The following GPR146 variants were observed in gnomAD, a reference collection of about 807,000 sequenced individuals.
The protein encoded by GPR146 is G-protein coupled receptor 146.
For synonymous variants in GPR146, 203 were observed against 104.3 expected (o/e 1.95, Z -5.77); for missense variants, 381 against 213.9 (o/e 1.78, Z -4.87).
intron 1 of GPR146, among the ~76,000 whole-genome samples, chr7:1,053,685 G>C (rs1282349118): frequency 1.3e-5 from 2 of 152,190 alleles, no homozygotes; most frequent in Non-Finnish European, 2.9e-5. Flanking sequence ...AAATTAGCTG[G>C]GTGTGGTGGC....
At position 1,058,028 on chromosome 7, in the gene GPR146, G is replaced by C; in HGVS notation, c.513G>C (p.Val171=). The C allele has an allele frequency of 1.3e-6, 1 of 769,434 alleles. No individual in the cohort carries two copies. The highest frequency in any genetic ancestry group is 2.4e-6 in the Non-Finnish European group (1 of 417,992). The allele number at this position is 769,434 out of a possible 1,614,324, so 47.7% of individuals were successfully genotyped here. ...SSLLFYICSH[V]STRALECAKM... ...TGCTCTTCTACATCTGCAGCCATGT[G>C]TCCACCCGCGCGCTAGAGTGCGCCA... Residue 171 remains valine (V), a synonymous_variant, in exon 2 of 2, where the codon GTG becomes GTC. Coordinates refer to ENST00000444847, the MANE Select transcript of GPR146 (RefSeq NM_001303473.2).
Position 1,050,876 on chromosome 7 carries a change from G to T in GPR146, c.-25+6218G>T, listed in dbSNP as rs1398823113. 3.9e-5 allele frequency among the ~76,000 whole-genome samples: 6 copies of T among 152,218 alleles called. No homozygotes were observed. The East Asian group carries it at 5.8e-4, about 15-fold the overall frequency. ...ACCCAGAAGGCTTGACGCGCAGGGGGTCTCGGAGAAACTCTACCCCTGTCC... is the reference window on the plus strand; with the variant it reads ...ACCCAGAAGGCTTGACGCGCAGGGGTTCTCGGAGAAACTCTACCCCTGTCC... On this transcript the variant is annotated intron_variant, in intron 1 of 1. Transcript: ENST00000444847.
In GPR146 at chr7:1,051,605, G is replaced by C. The variant is rs185031298; in HGVS notation, c.-24-5887G>C. Among the ~76,000 whole-genome samples the C allele has an allele frequency of 3.3e-5, 5 of 152,354 alleles. No individual in the cohort carries two copies. In the East Asian group the frequency reaches 9.6e-4, roughly 29 times the overall value. ...AAATGAGACTGGTCAGATATCTCCC[G>C]CATGTCAGCCGCCACTGGATTGGGA... On this transcript the variant is annotated intron_variant, in intron 1 of 1. Transcript: ENST00000444847.
intron 1 of GPR146, among the ~76,000 whole-genome samples, chr7:1,046,894 T>C (rs1421577240): frequency 1.3e-5 from 2 of 152,028 alleles, no homozygotes. Flanking sequence ...ACAACCAAGG[T>C]GGTGATAAGA....
chr7:1,044,737 C>G (rs948380563), intron 1 of GPR146, 79 bp downstream of exon 1: 1 of 152,260 alleles, frequency 6.6e-6, no homozygotes, highest in Non-Finnish European at 1.5e-5. Flanking sequence ...CAGCCCCAAG[C>G]TGCTGTGGCT....
At chr7:1,051,235 C>G (rs1324382543) in intron 1 of GPR146, among the ~76,000 whole-genome samples, 1 of 152,220 alleles carries the variant, frequency 6.6e-6, no homozygotes, top group Non-Finnish European at 1.5e-5. Context: ...ACACTGTGTC[C>G]CAACCCCGGT....
At chr7:1,055,010 T>A (rs1363941168) in intron 1 of GPR146, among the ~76,000 whole-genome samples, 1 of 151,992 alleles carries the variant, frequency 6.6e-6, no homozygotes, top group Admixed American at 6.5e-5. Context: ...GGCGGCTGCA[T>A]GGACCTGGAC....
rs1445312926 is a variant in GPR146 at position 1,057,821 on chromosome 7, C to T, written c.306C>T (p.His102=). 8 of 777,170 alleles carry T rather than the reference C, an allele frequency of 1.0e-5. No individual in the cohort carries two copies. The highest frequency in any genetic ancestry group is 1.7e-5 in the African/African-American group (1 of 59,154). The allele number at this position is 777,170 out of a possible 1,614,324, so 48.1% of individuals were successfully genotyped here. Residue 102 remains histidine (H), a synonymous_variant, in exon 2 of 2, where the codon CAC becomes CAT. Transcript: ENST00000444847. ...TGTGGAGTGTGGGCGGCGAAGTCCA[C>T]GTGGCACTGCAGATCCCCTTCAATG... ...WALWSVGGEV[H]VALQIPFNVS... is the part of the protein sequence containing the mutation.
chr7:1,050,820 G>T (rs567705373), intron 1 of GPR146, among the ~76,000 whole-genome samples: 1 of 152,306 alleles, frequency 6.6e-6, no homozygotes, highest in South Asian at 2.1e-4. Context: ...CGGAAACAGC[G>T]ACATCCACAG....
In GPR146 at chr7:1,054,862, G is replaced by A. The variant is rs528149174; in HGVS notation, c.-24-2630G>A. Among the ~76,000 whole-genome samples, 8 of 152,332 alleles carry A rather than the reference G, an allele frequency of 5.3e-5. No homozygotes were observed. In the East Asian group the frequency reaches 9.6e-4, roughly 18 times the overall value. On this transcript the variant is annotated intron_variant, in intron 1 of 1. Coordinates refer to ENST00000444847, the MANE Select transcript of GPR146 (RefSeq NM_001303473.2). Reference sequence around the variant, plus strand: ...CGACCTGAACCTGCCCTCGGCCTCCGCTGTGCCTCTGAGGACTCCTGTGTC... The same window carrying A: ...CGACCTGAACCTGCCCTCGGCCTCCACTGTGCCTCTGAGGACTCCTGTGTC...
Position 1,058,688 on chromosome 7 carries a change from G to A in GPR146, c.*171G>A, listed in dbSNP as rs1446152557. On this transcript the variant is annotated 3_prime_UTR_variant, in exon 2 of 2. Coordinates refer to ENST00000444847, the MANE Select transcript of GPR146 (RefSeq NM_001303473.2). The stretch of plus-strand genomic sequence containing the variant: ...CAAATGCCACTCTTGGGCCAAGGCT[G>A]TGGTCCCCGTGGCTGGCATCTGGCT... 10 of 604,268 alleles carry A rather than the reference G, an allele frequency of 1.7e-5. No individual in the cohort carries two copies. Among genetic ancestry groups the A allele is most frequent in the Non-Finnish European group, 3.0e-6 (1 of 332,050 alleles). 37.4% of individuals were successfully genotyped at this position (604,268 alleles called of 1,614,324 possible).
intron 1 of GPR146, chr7:1,055,240 G>A (rs1349470135): frequency 2.1e-6 from 1 of 471,134 alleles, no homozygotes; most frequent in East Asian, 6.9e-5. Flanking sequence ...GGTGGCGCCT[G>A]CCAAGGGAGG....
At chr7:1,048,486 G>A (rs991529831) in intron 1 of GPR146, among the ~76,000 whole-genome samples, 1 of 152,000 alleles carries the variant, frequency 6.6e-6, no homozygotes, top group Non-Finnish European at 1.5e-5. Context: ...GAGAGGGGTG[G>A]TCACCATCCC....
chr7:1,050,687 G>A (rs1783024720), intron 1 of GPR146, among the ~76,000 whole-genome samples: 1 of 152,214 alleles, frequency 6.6e-6, no homozygotes, highest in South Asian at 2.1e-4. Context: ...ATCGCAGTCG[G>A]AGCCCAGCAC....
rs10247470 is a variant in GPR146, at chr7:1,052,876, C to A, written c.-24-4616C>A. On this transcript the variant is annotated intron_variant, in intron 1 of 1. Transcript: ENST00000444847. This position sits in a 1 kb window ranked among gnomAD's most constrained non-coding sequence, Gnocchi z 4.2. ...TCTCTCCTGCCTTCTGAGGGAGCCT[C>A]CAGAATCTTTCATCGCCGCCACAAC... Among the ~76,000 whole-genome samples, 2 of 151,978 alleles carry A rather than the reference C, an allele frequency of 1.3e-5. No individual in the cohort carries two copies. Among genetic ancestry groups the A allele is most frequent in the African/African-American group, 4.8e-5 (2 of 41,340 alleles).
chr7:1,053,298 G>A (rs373033976), intron 1 of GPR146, among the ~76,000 whole-genome samples: 1 of 152,276 alleles, frequency 6.6e-6, no homozygotes, highest in East Asian at 1.9e-4. Flanking sequence ...TCGGACGCAG[G>A]TGTGGCGACG....
At chr7:1,053,734 G>A (rs554422925) in intron 1 of GPR146, among the ~76,000 whole-genome samples, 1 of 152,346 alleles carries the variant, frequency 6.6e-6, no homozygotes, top group East Asian at 1.9e-4. Flanking sequence ...GGCTGAGGCA[G>A]GAGAATCGCT....
At chr7:1,048,348 A>C (rs1412584063) in intron 1 of GPR146, among the ~76,000 whole-genome samples, 1 of 152,052 alleles carries the variant, frequency 6.6e-6, no homozygotes, top group Non-Finnish European at 1.5e-5. Flanking sequence ...TTGTGAAACT[A>C]ATTCAGCCAC....
intron 1 of GPR146, among the ~76,000 whole-genome samples, chr7:1,054,626 G>T (rs979544140): frequency 1.3e-5 from 2 of 152,208 alleles, no homozygotes; most frequent in African/African-American, 4.8e-5. Flanking sequence ...TGGCCTCACG[G>T]CGGGGCAGGC....
Sources: allele counts gnomAD v4.1 joint callset (sites outside exome capture counted in the v4.1 genomes callset), GRCh38; gene constraint gnomAD v4.1.1; non-coding constraint Gnocchi (gnomAD v3.1); transcripts MANE v1.5; gene names NCBI Gene and HGNC (gene_info 2026-07-23, HGNC 2026-07-21).